Variants in BIRC6 observed in about 807,000 individuals in gnomAD.
BIRC6 encodes baculoviral IAP repeat containing 6, also known as dual E2 ubiquitin-conjugating enzyme/E3 ubiquitin-protein ligase BIRC6.
In BIRC6, 98 loss-of-function variants were observed where a neutral mutation model predicts 503.3. The ratio of observed to expected loss-of-function variants is 0.19; its 90% CI spans 0.17 to 0.23. The LOEUF (loss-of-function observed/expected upper bound fraction) is 0.23. Among genes scored for constraint, BIRC6 ranks in the 10% least tolerant of loss-of-function variants. The probability of loss-of-function intolerance (pLI) is 1.00; values close to 1 mark genes in which losing one functional copy is unlikely to be tolerated. For missense variants in BIRC6, 5,360 were observed against 5,806.0 expected (o/e 0.92, Z 2.50); for synonymous variants, 2,240 against 2,078.7 (o/e 1.08, Z -2.11).
At chr2:32,595,491 T>C (rs2061622588) in intron 68 of BIRC6, among the ~76,000 whole-genome samples, 1 of 152,226 alleles carries the variant, frequency 6.6e-6, no homozygotes, top group African/African-American at 2.4e-5. Context: ...AGTCTGTTAC[T>C]CTTGCCATTT....
chr2:32,508,274 T>G lies in BIRC6; in HGVS notation c.9980+15T>G. ...TCCAAAACAAGGTATGTTTTGTTTGTCCTTTTTTTTTTTTTTTTTTTTTTT... is the reference window on the plus strand; with the variant it reads ...TCCAAAACAAGGTATGTTTTGTTTGGCCTTTTTTTTTTTTTTTTTTTTTTT... On this transcript the variant is annotated intron_variant, in intron 51 of 73. Transcript: ENST00000421745. 2.2e-6 allele frequency: 3 copies of G among 1,378,102 alleles called. No homozygotes were observed. The highest frequency in any genetic ancestry group is 2.8e-6 in the Non-Finnish European group (3 of 1,056,498). 85.4% of individuals were successfully genotyped at this position (1,378,102 alleles called of 1,614,324 possible). A position where few individuals can be genotyped will look rare whatever the true frequency, so the allele number is the denominator to read the frequency against.
chr2:32,473,264 T>G (rs753555816), intron 33 of BIRC6, 25 bp downstream of exon 33: 2 of 1,499,298 alleles, frequency 1.3e-6, no homozygotes, highest in South Asian at 1.3e-5. Flanking sequence ...ATTTAAAAAT[T>G]TTTAATGTTT....
intron 6 of BIRC6, among the ~76,000 whole-genome samples, chr2:32,397,610 A>ATG (rs1203763934): frequency 1.3e-4 from 16 of 127,136 alleles, no homozygotes; most frequent in African/African-American, 3.6e-4. Context: ...GTGTGTATAT[A>ATG]TGTGTGTATA....
In BIRC6 at chr2:32,401,654, A is replaced by T. The variant is rs115882868; in HGVS notation, c.1418+31A>T. Reference sequence around the variant, plus strand: ...TGAGTTTGTTTTAGTAGTATTTAATAGATGTTACATGTTTTCCTAAATTTT... The same window carrying T: ...TGAGTTTGTTTTAGTAGTATTTAATTGATGTTACATGTTTTCCTAAATTTT... On this transcript the variant is annotated intron_variant, in intron 8 of 73. Transcript: ENST00000421745. The T allele has an allele frequency of 1.9e-6, 3 of 1,567,986 alleles. No homozygotes were observed. In the African/African-American group the frequency reaches 4.1e-5, roughly 22 times the overall value.
At chr2:32,491,404 T>C in intron 43 of BIRC6, 21 bp from the exon 44 acceptor site, 1 of 1,585,832 alleles carries the variant, frequency 6.3e-7, no homozygotes, top group Non-Finnish European at 8.6e-7. Context: ...TCTTAAGAGG[T>C]TTTTAAAAAA....
rs749389202 is a variant in BIRC6, at chr2:32,420,887, G to GTT, written c.2872+4725_2872+4726insTT. 8.1e-3 allele frequency among the ~76,000 whole-genome samples: 1,095 copies of GTT among 135,310 alleles called. 7 individuals carry two copies. The highest frequency in any genetic ancestry group is 0.024 in the Middle Eastern group (6 of 254). The allele number at this position is 135,310 out of a possible 152,430, so 88.8% of individuals were successfully genotyped here. ...CATTTGTGATACTGATCGATGATTTGTATTTTTTTTTTCCTGCTTCATCTG... is the reference window on the plus strand; with the variant it reads ...CATTTGTGATACTGATCGATGATTTGTTTATTTTTTTTTTCCTGCTTCATCTG... On this transcript the variant is annotated intron_variant, in intron 10 of 73. Transcript: ENST00000421745.
intron 23 of BIRC6, among the ~76,000 whole-genome samples, chr2:32,455,530 G>A (rs1343985541): frequency 6.6e-6 from 1 of 152,186 alleles, no homozygotes; most frequent in Non-Finnish European, 1.5e-5. Context: ...GGGAGGCTGA[G>A]GTACGAGAAT....
chr2:32,469,271 G>C, intron 29 of BIRC6, 124 bp from the exon 30 acceptor site: 1 of 752,494 alleles, frequency 1.3e-6, no homozygotes, highest in East Asian at 2.7e-5. Context: ...ATACATTGCA[G>C]AATAAATAGA....
chr2:32,360,818 A>G (rs1395142433), intron 1 of BIRC6, among the ~76,000 whole-genome samples: 1 of 152,182 alleles, frequency 6.6e-6, no homozygotes, highest in Non-Finnish European at 1.5e-5. Flanking sequence ...CTCATATTTC[A>G]AGCTCCTTGT....
At chr2:32,503,769 T>C (rs922824989) in intron 49 of BIRC6, among the ~76,000 whole-genome samples, 2 of 152,034 alleles carry the variant, frequency 1.3e-5, no homozygotes, top group African/African-American at 4.8e-5. Flanking sequence ...TTGTTTTTAT[T>C]TGTGAGTCTA....
chr2:32,514,910 T>G, intron 54 of BIRC6, 80 bp from the exon 55 acceptor site: 1 of 1,157,760 alleles, frequency 8.6e-7, no homozygotes, highest in African/African-American at 1.6e-5. Context: ...GAGTATACTT[T>G]GAACTATAAC....
At chr2:32,395,448 T>G in intron 5 of BIRC6, 63 bp from the exon 6 acceptor site, 1 of 1,278,260 alleles carries the variant, frequency 7.8e-7, no homozygotes, top group Non-Finnish European at 1.1e-6. Flanking sequence ...AAAATAACTT[T>G]TATTATAAAG....
chr2:32,450,512 C>A (rs138454950), intron 22 of BIRC6, among the ~76,000 whole-genome samples: 440 of 151,936 alleles, frequency 2.9e-3, no homozygotes, highest in Middle Eastern at 3.4e-3. Flanking sequence ...TTGTGTTGTT[C>A]CTCATTATTA....
intron 56 of BIRC6, 85 bp downstream of exon 56, chr2:32,518,482 T>C (rs2055303432): frequency 2.9e-6 from 4 of 1,357,980 alleles, no homozygotes; most frequent in Non-Finnish European, 4.0e-6. Flanking sequence ...TCCTATGTTC[T>C]AACTTCGAGT....
intron 62 of BIRC6, among the ~76,000 whole-genome samples, chr2:32,544,682 A>G (rs1157233545): frequency 6.6e-6 from 1 of 151,844 alleles, no homozygotes; most frequent in East Asian, 1.9e-4. Flanking sequence ...ATATGAATTT[A>G]TGTGTAGATC....
chr2:32,605,929 C>T (rs775982671), intron 71 of BIRC6, among the ~76,000 whole-genome samples: 3 of 152,000 alleles, frequency 2.0e-5, no homozygotes, highest in Non-Finnish European at 4.4e-5. Context: ...AAAGTTTTTC[C>T]CATAGTTGAG....
Position 32,548,052 on chromosome 2 carries a change from T to C in BIRC6, c.12975+38T>C, listed in dbSNP as rs771539784. ...ACTTGATATTGTTCATGATAATGGC[T>C]TTTTTTTTGTATTTATTATTTTAAA... On this transcript the variant is annotated intron_variant, in intron 64 of 73. Coordinates refer to ENST00000421745, the MANE Select transcript of BIRC6 (RefSeq NM_016252.4). 1.0e-5 allele frequency: 14 copies of C among 1,393,272 alleles called. No individual in the cohort carries two copies. In the African/African-American group the frequency reaches 1.8e-4, roughly 18 times the overall value. The allele number at this position is 1,393,272 out of a possible 1,614,324, so 86.3% of individuals were successfully genotyped here.
At chr2:32,486,597 A>G (rs953210111) in intron 40 of BIRC6, among the ~76,000 whole-genome samples, 6 of 152,226 alleles carry the variant, frequency 3.9e-5, no homozygotes, top group Non-Finnish European at 5.9e-5. Context: ...TCTCTAGGTC[A>G]GAGTGAAGAA....
chr2:32,528,669 A>G (rs2056483130), intron 59 of BIRC6: 2 of 152,194 alleles, frequency 1.3e-5, no homozygotes. Flanking sequence ...AAATGTAAGA[A>G]AACAATTGCC....
Sources: allele counts gnomAD v4.1 joint callset (sites outside exome capture counted in the v4.1 genomes callset), GRCh38; gene constraint gnomAD v4.1.1; transcripts MANE v1.5; gene names NCBI Gene and HGNC (gene_info 2026-07-23, HGNC 2026-07-21).